The following PLCXD3 variants were observed in gnomAD, a reference collection of about 807,000 sequenced individuals.
PLCXD3 encodes the protein PI-PLC X domain-containing protein 3.
In PLCXD3, 19 loss-of-function variants were observed where a neutral mutation model predicts 25.5. The observed-to-expected ratio is 0.75, with a 90% CI of 0.52 to 1.09. The LOEUF is 1.09. PLCXD3 is among the 50% of genes least tolerant of loss of function. The pLI, the probability that PLCXD3 is intolerant of heterozygous loss-of-function variation, is 0.00. For missense variants in PLCXD3, 411 were observed against 388.1 expected (o/e 1.06, Z -0.50); for synonymous variants, 174 against 137.6 (o/e 1.26, Z -1.85).
At position 41,382,015 on chromosome 5, in the gene PLCXD3, G is replaced by A; in HGVS notation, c.623C>T (p.Pro208Leu). ...PVALEVPFLW[P>L]GQMMPAPWAN... ...CCAGGGTGCTGGCATCATCTGCCCA[G>A]GCCAGAGAAAGGGCACTTCCAGAGC... is the stretch of plus-strand genomic sequence containing the variant. Residue 208 changes from proline to leucine, a missense_variant, in exon 2 of 3, where the codon CCT becomes CTT. Coordinates refer to ENST00000377801, the MANE Select transcript of PLCXD3 (RefSeq NM_001005473.3). 6.2e-7 allele frequency: 1 copy of A among 1,613,512 alleles called. No homozygotes were observed. Among genetic ancestry groups the A allele is most frequent in the Non-Finnish European group, 8.5e-7 (1 of 1,179,730 alleles).
intron 1 of PLCXD3, among the ~76,000 whole-genome samples, chr5:41,392,516 C>T (rs764516767): frequency 6.6e-6 from 1 of 152,136 alleles, no homozygotes; most frequent in Non-Finnish European, 1.5e-5. Flanking sequence ...TGGGGTGCTC[C>T]CTAAAGCAGA....
In PLCXD3 at chr5:41,395,891, T is replaced by C. The variant is rs143185416; in HGVS notation, c.104-13357A>G. On this transcript the variant is annotated intron_variant, in intron 1 of 2. Transcript: ENST00000377801. ...TACCAAATATTTAAAGAATAACAAA[T>C]ACCAATCTGATTCAAACTATTCTAA... Among the ~76,000 whole-genome samples, 374 of 151,068 alleles carry C rather than the reference T, an allele frequency of 2.5e-3. 1 individual carries two copies. Among genetic ancestry groups the C allele is most frequent in the African/African-American group, 8.7e-3 (357 of 41,146 alleles).
intron 1 of PLCXD3, among the ~76,000 whole-genome samples, chr5:41,404,185 A>T (rs1201881847): frequency 6.6e-6 from 1 of 152,098 alleles, no homozygotes; most frequent in Non-Finnish European, 1.5e-5. Context: ...TCAGTAACTC[A>T]CTGTTTAATA....
chr5:41,420,487 G>A (rs1481495585), intron 1 of PLCXD3, among the ~76,000 whole-genome samples: 1 of 152,170 alleles, frequency 6.6e-6, no homozygotes, highest in Non-Finnish European at 1.5e-5. Flanking sequence ...TAATAATCAC[G>A]TTTTCTTTTA....
At chr5:41,364,408 A>C (rs9784660) in intron 2 of PLCXD3, among the ~76,000 whole-genome samples, 5,828 of 152,136 alleles carry the variant, frequency 0.038, 384 homozygotes, top group African/African-American at 0.13. Flanking sequence ...AAAGAGTAAA[A>C]TTTTTTTCCA....
intron 2 of PLCXD3, among the ~76,000 whole-genome samples, chr5:41,347,947 T>C (rs1744346665): frequency 6.6e-6 from 1 of 152,254 alleles, no homozygotes; most frequent in South Asian, 2.1e-4. Context: ...GTCATAGGCA[T>C]TACACTCTTT....
Position 41,313,248 on chromosome 5 carries a change from G to A in PLCXD3, c.*369C>T. The stretch of plus-strand genomic sequence containing the variant: ...TGATTAAAAAGAGCGAGCAAGAGAG[G>A]GAGCAGAAAGGTTGCAGGGTATAGA... On this transcript the variant is annotated 3_prime_UTR_variant, in exon 3 of 3. Transcript: ENST00000377801. 5.6e-6 allele frequency: 1 copy of A among 180,132 alleles called. No homozygotes were observed. The highest frequency in any genetic ancestry group is 1.2e-4 in the South Asian group (1 of 8,634). The allele number at this position is 180,132 out of a possible 1,614,324, so 11.2% of individuals were successfully genotyped here.
At position 41,495,121 on chromosome 5, in the gene PLCXD3, T is replaced by A. The variant is rs760421887; in HGVS notation, c.103+15303A>T. ...CAGAAGGCAGATTTTTGGCATCCTCTCACCAGAGTCCCTCCTTCCAGCAGA... is the reference window on the plus strand; with the variant it reads ...CAGAAGGCAGATTTTTGGCATCCTCACACCAGAGTCCCTCCTTCCAGCAGA... On this transcript the variant is annotated intron_variant, in intron 1 of 2. Coordinates refer to ENST00000377801, the MANE Select transcript of PLCXD3 (RefSeq NM_001005473.3). Among the ~76,000 whole-genome samples, 192 of 152,346 alleles carry A rather than the reference T, an allele frequency of 1.3e-3. 9 individuals carry two copies. Among genetic ancestry groups the A allele is most frequent in the Non-Finnish European group, 8.1e-4 (55 of 68,022 alleles).
intron 2 of PLCXD3, among the ~76,000 whole-genome samples, chr5:41,373,519 C>A (rs1745189478): frequency 6.6e-6 from 1 of 152,104 alleles, no homozygotes; most frequent in African/African-American, 2.4e-5. Context: ...TCTCACCATT[C>A]CTTTCCTTAA....
chr5:41,341,247 T>C (rs977336967), intron 2 of PLCXD3, among the ~76,000 whole-genome samples: 1 of 152,144 alleles, frequency 6.6e-6, no homozygotes, highest in Non-Finnish European at 1.5e-5. Context: ...ACCATCAATA[T>C]CGCATGTCTA....
At chr5:41,442,485 A>T (rs564201308) in intron 1 of PLCXD3, among the ~76,000 whole-genome samples, 1 of 152,214 alleles carries the variant, frequency 6.6e-6, no homozygotes, top group Non-Finnish European at 1.5e-5. Flanking sequence ...CAGTTTTGTT[A>T]CCTGTAAAGT....
intron 2 of PLCXD3, among the ~76,000 whole-genome samples, chr5:41,330,244 T>C (rs963642952): frequency 1.3e-5 from 2 of 151,738 alleles, no homozygotes; most frequent in African/African-American, 4.8e-5. Context: ...ATAGACGCAA[T>C]AAAAAATGAT....
chr5:41,484,259 A>T (rs966915039), intron 1 of PLCXD3, among the ~76,000 whole-genome samples: 11 of 132,750 alleles, frequency 8.3e-5, no homozygotes, highest in African/African-American at 3.6e-4. Flanking sequence ...ACACACACAC[A>T]CACACACACA....
At chr5:41,446,887 G>A (rs560412967) in intron 1 of PLCXD3, among the ~76,000 whole-genome samples, 92 of 152,150 alleles carry the variant, frequency 6.0e-4, no homozygotes, top group Non-Finnish European at 1.0e-3. Flanking sequence ...TTAGATACCC[G>A]TCTTCTAGAC....
intron 2 of PLCXD3, among the ~76,000 whole-genome samples, chr5:41,367,187 T>C (rs145257760): frequency 6.6e-6 from 1 of 152,332 alleles, no homozygotes; most frequent in African/African-American, 2.4e-5. Flanking sequence ...ATGGTATTTC[T>C]GGTTTTAGGT....
At chr5:41,490,849 A>T (rs1340889480) in intron 1 of PLCXD3, among the ~76,000 whole-genome samples, 1 of 151,918 alleles carries the variant, frequency 6.6e-6, no homozygotes, top group Non-Finnish European at 1.5e-5. Context: ...GTCTTGCTAG[A>T]AGTCTATCAA....
intron 1 of PLCXD3, among the ~76,000 whole-genome samples, chr5:41,462,354 G>T (rs1457132): frequency 6.6e-6 from 1 of 151,820 alleles, no homozygotes; most frequent in Admixed American, 6.6e-5. Context: ...AAGTTTAAAC[G>T]TATTTGCAAC....
chr5:41,490,275 G>A (rs1296882866), intron 1 of PLCXD3, among the ~76,000 whole-genome samples: 1 of 152,182 alleles, frequency 6.6e-6, no homozygotes, highest in Admixed American at 6.5e-5. Context: ...TTGCATCCCA[G>A]GGATGAAGCC....
chr5:41,489,671 T>A (rs1214119687), intron 1 of PLCXD3, among the ~76,000 whole-genome samples: 2 of 152,056 alleles, frequency 1.3e-5, no homozygotes, highest in African/African-American at 4.8e-5. Flanking sequence ...GATTCCTAGG[T>A]ATTTTATTCT....
Sources: allele counts gnomAD v4.1 joint callset (sites outside exome capture counted in the v4.1 genomes callset), GRCh38; gene constraint gnomAD v4.1.1; transcripts MANE v1.5; gene names NCBI Gene and HGNC (gene_info 2026-07-23, HGNC 2026-07-21).